ACSL6: variants seen among roughly 807,000 people sequenced by gnomAD.
The protein encoded by ACSL6 is long-chain-fatty-acid--CoA ligase 6.
A neutral mutation model predicts 98.2 loss-of-function variants in ACSL6; 47 were observed. The ratio of observed to expected loss-of-function variants is 0.48; its 90% CI spans 0.38 to 0.61. ACSL6 has a LOEUF of 0.61. Among genes scored for constraint, ACSL6 ranks in the 20% least tolerant of loss-of-function variants. ACSL6 has a pLI of 0.00. For synonymous variants in ACSL6, 362 were observed against 336.9 expected, an observed-to-expected ratio of 1.07 and a Z score of -0.82; for missense variants, 761 against 913.4, an observed-to-expected ratio of 0.83 and a Z score of 2.15.
intron 8 of ACSL6, among the ~76,000 whole-genome samples, chr5:131,986,567 T>G (rs1421994540): frequency 1.3e-5 from 2 of 152,206 alleles, no homozygotes; most frequent in Non-Finnish European, 2.9e-5. Flanking sequence ...CCCAAAGAAG[T>G]TACTTGAAGA....
chr5:132,001,487 G>C (rs1755082638), intron 1 of ACSL6, among the ~76,000 whole-genome samples: 1 of 152,172 alleles, frequency 6.6e-6, no homozygotes, highest in African/African-American at 2.4e-5. Context: ...ATGGAGCAAA[G>C]AGCCTCCCTG....
At position 131,952,244 on chromosome 5, in the gene ACSL6, T is replaced by C. The variant is rs1752195747; in HGVS notation, c.*1990A>G. The C allele has an allele frequency of 1.0e-5, 2 of 194,316 alleles. No homozygotes were observed. The highest frequency in any genetic ancestry group is 2.1e-5 in the Non-Finnish European group (2 of 93,222). The allele number at this position is 194,316 out of a possible 1,614,324, so 12.0% of individuals were successfully genotyped here. ...TCAGAAACGCCTTTAAAAATCAGTGTGTATAGAACTAGCTCATTTCTTAAC... is the reference window on the plus strand; with the variant it reads ...TCAGAAACGCCTTTAAAAATCAGTGCGTATAGAACTAGCTCATTTCTTAAC... On this transcript the variant is annotated 3_prime_UTR_variant, in exon 21 of 21. Transcript: ENST00000651883.
chr5:132,004,307 G>T (rs907887696), intron 1 of ACSL6, among the ~76,000 whole-genome samples: 4 of 151,158 alleles, frequency 2.6e-5, no homozygotes, highest in Admixed American at 6.6e-5. Context: ...ATTAACCACA[G>T]CACAGACCTT....
In ACSL6 at chr5:131,950,931, G is replaced by A. The variant is rs1174999887; in HGVS notation, c.*3303C>T. The A allele has an allele frequency of 5.2e-6, 1 of 191,426 alleles. No homozygotes were observed. Among genetic ancestry groups the A allele is most frequent in the Non-Finnish European group, 1.1e-5 (1 of 91,426 alleles). 11.9% of individuals were successfully genotyped at this position (191,426 alleles called of 1,614,324 possible). A position where few individuals can be genotyped will look rare whatever the true frequency, so the allele number is the denominator to read the frequency against. On this transcript the variant is annotated 3_prime_UTR_variant, in exon 21 of 21. Transcript: ENST00000651883. ...TGCATAAATGAAGGAGACATAAAAT[G>A]TTTAATCCTTGGATTTCTGAGTTTA...
chr5:131,985,549 T>C, intron 8 of ACSL6, 91 bp from the exon 9 acceptor site: 2 of 1,352,810 alleles, frequency 1.5e-6, no homozygotes, highest in African/African-American at 1.4e-5. Flanking sequence ...GCCAGGCCCA[T>C]ATGTATGCTG....
chr5:131,956,305 G>A (rs995414396), intron 20 of ACSL6, among the ~76,000 whole-genome samples: 2 of 152,188 alleles, frequency 1.3e-5, no homozygotes, highest in Non-Finnish European at 2.9e-5. Flanking sequence ...AGCATCAACA[G>A]GTAGATTTGG....
In ACSL6 at chr5:131,988,897, A is replaced by C; in HGVS notation, c.560T>G (p.Ile187Ser). ...ATATGTGTAGCAGGCCAGCTCCACAATGATCCACTGTGGAGACACATGAGG... is the reference window on the plus strand; with the variant it reads ...ATATGTGTAGCAGGCCAGCTCCACACTGATCCACTGTGGAGACACATGAGG... The part of the protein sequence containing the change: ...VFAQNRPEWI[I>S]VELACYTYSM... The change falls in exon 6 of 21, where the codon ATT becomes AGT. Residue 187 changes from isoleucine (I) to serine (S), a missense_variant. By Grantham distance (142) the Ile-to-Ser change is moderately radical (BLOSUM62 -2). Transcript: ENST00000651883. The C allele has an allele frequency of 6.4e-7, 1 of 1,555,942 alleles. No individual in the cohort carries two copies. The highest frequency in any genetic ancestry group is 8.9e-7 in the Non-Finnish European group (1 of 1,129,690).
chr5:131,967,633 C>T (rs1051232984), intron 16 of ACSL6, among the ~76,000 whole-genome samples: 2 of 150,816 alleles, frequency 1.3e-5, no homozygotes, highest in African/African-American at 4.9e-5. Context: ...CTACTGTACT[C>T]CAGCCTGGGA....
At chr5:131,985,568 T>C in intron 8 of ACSL6, 110 bp from the exon 9 acceptor site, 1 of 1,134,916 alleles carries the variant, frequency 8.8e-7, no homozygotes, top group East Asian at 2.5e-5. Context: ...TGTATGTGGG[T>C]GTGAGCATGT....
chr5:131,962,438 G>T, intron 18 of ACSL6, 97 bp downstream of exon 18: 1 of 1,379,534 alleles, frequency 7.2e-7, no homozygotes, highest in South Asian at 1.6e-5. Context: ...TTTAAAATGC[G>T]GAGGAGAATC....
In ACSL6 at chr5:132,009,185, G is replaced by C. The variant is rs375192628; in HGVS notation, c.49+2320C>G. 6.0e-4 allele frequency among the ~76,000 whole-genome samples: 92 copies of C among 152,314 alleles called. 1 individual carries two copies. Among genetic ancestry groups the C allele is most frequent in the African/African-American group, 2.0e-3 (84 of 41,566 alleles). ...AAACAACAGTCAGCTCCTCCTCCTGGTGCATTGCCACACCCCCATCCCCGA... is the reference window on the plus strand; with the variant it reads ...AAACAACAGTCAGCTCCTCCTCCTGCTGCATTGCCACACCCCCATCCCCGA... On this transcript the variant is annotated intron_variant, in intron 1 of 20. Coordinates refer to ENST00000651883, the MANE Select transcript of ACSL6 (RefSeq NM_001009185.3).
At chr5:132,002,167 A>G (rs969122572) in intron 1 of ACSL6, among the ~76,000 whole-genome samples, 2 of 152,196 alleles carry the variant, frequency 1.3e-5, no homozygotes, top group African/African-American at 4.8e-5. Context: ...CAGGGTCACC[A>G]TCACCTCACA....
chr5:132,002,520 G>C (rs543283869), intron 1 of ACSL6, among the ~76,000 whole-genome samples: 1 of 152,132 alleles, frequency 6.6e-6, no homozygotes, highest in Non-Finnish European at 1.5e-5. Flanking sequence ...GGTCACTGAG[G>C]TGGGGGGAGC....
intron 1 of ACSL6, among the ~76,000 whole-genome samples, chr5:132,006,114 C>T (rs777357081): frequency 1.3e-4 from 20 of 152,180 alleles, no homozygotes; most frequent in Admixed American, 2.6e-4. Context: ...CTCCCCCAGA[C>T]GCCCCTACTA....
chr5:131,994,387 C>T, intron 1 of ACSL6, 136 bp from the exon 2 acceptor site: 1 of 726,436 alleles, frequency 1.4e-6, no homozygotes, highest in Non-Finnish European at 2.2e-6. Context: ...ACAGAGTGCA[C>T]CCCAGAAGCT....
chr5:131,990,244 G>T, intron 3 of ACSL6, 80 bp from the exon 4 acceptor site: 1 of 1,402,416 alleles, frequency 7.1e-7, no homozygotes, highest in Non-Finnish European at 1.0e-6. Context: ...CAGAAACCTG[G>T]ATGGACATCC....
At position 131,950,577 on chromosome 5, in the gene ACSL6, C is replaced by A. The variant is rs1050343749; in HGVS notation, c.*3657G>T. 23 of 196,106 alleles carry A rather than the reference C, an allele frequency of 1.2e-4. No homozygotes were observed. The highest frequency in any genetic ancestry group is 5.3e-4 in the African/African-American group (23 of 43,294). 12.1% of individuals were successfully genotyped at this position (196,106 alleles called of 1,614,324 possible). On this transcript the variant is annotated 3_prime_UTR_variant, in exon 21 of 21. Transcript: ENST00000651883. ...CCAATTTTATATACGGTTATTCATT[C>A]TTTTTTTCCTGAGATATTAAGCACA...
chr5:131,962,677 G>A lies in ACSL6; in HGVS notation c.1715C>T (p.Ala572Val). The change falls in exon 18 of 21, where the codon GCA (alanine) becomes GTA (valine). Residue 572 changes from alanine (A) to valine (V), a missense_variant and splice_region_variant. By Grantham distance (64) the Ala-to-Val change is moderately conservative. Transcript: ENST00000651883. ...CCGATCAATAATTTTAAGAGTTCCT[G>A]CCTGTAGAGTTGGACAAACAGCTTT... ...HTGDIGKWLP[A>V]GTLKIIDRKK... The A allele has an allele frequency of 6.2e-7, 1 of 1,613,960 alleles. No individual in the cohort carries two copies. The highest frequency in any genetic ancestry group is 1.1e-5 in the South Asian group (1 of 91,054).
At position 131,966,216 on chromosome 5, in the gene ACSL6, C is replaced by G. The variant is rs114399114; in HGVS notation, c.1713+200G>C. On this transcript the variant is annotated intron_variant, in intron 17 of 20. Coordinates refer to ENST00000651883, the MANE Select transcript of ACSL6 (RefSeq NM_001009185.3). The stretch of plus-strand genomic sequence containing the variant: ...GCCACACCCACCTGCACAGGTCCCT[C>G]ATCACCTTCATGAGACGGAGTGAGA... 4.2e-3 allele frequency among the ~76,000 whole-genome samples: 636 copies of G among 152,288 alleles called. 2 individuals carry two copies. Among genetic ancestry groups the G allele is most frequent in the African/African-American group, 0.014 (600 of 41,558 alleles).
Sources: gnomAD v4.1 joint callset for allele counts (sites outside exome capture counted in the v4.1 genomes callset) on GRCh38, gnomAD v4.1.1 for gene constraint, MANE v1.5 for transcripts, NCBI Gene and HGNC (gene_info 2026-07-23, HGNC 2026-07-21) for gene names.